DTNB: variants seen among roughly 807,000 people sequenced by gnomAD.
The protein encoded by DTNB is DTN-B.
DTNB carries 63 observed loss-of-function variants against 90.7 expected under a neutral mutation model. The observed-to-expected ratio is 0.69, with a 90% CI of 0.57 to 0.86. The LOEUF is 0.86. Among genes scored for constraint, DTNB ranks in the 40% least tolerant of loss-of-function variants. The pLI is 0.00. For synonymous variants in DTNB, 277 were observed against 286.7 expected, an observed-to-expected ratio of 0.97 and a Z score of 0.34; for missense variants, 744 against 807.1, an observed-to-expected ratio of 0.92 and a Z score of 0.95.
At chr2:25,549,119 C>T (rs139257174) in intron 8 of DTNB, among the ~76,000 whole-genome samples, 134 of 151,882 alleles carry the variant, frequency 8.8e-4, no homozygotes, top group Middle Eastern at 3.4e-3. Context: ...AACATAGCAC[C>T]TAAGTGGTTT....
intron 9 of DTNB, among the ~76,000 whole-genome samples, chr2:25,483,614 T>C (rs535971635): frequency 6.6e-6 from 1 of 152,338 alleles, no homozygotes; most frequent in South Asian, 2.1e-4. Flanking sequence ...TTTTCTAGAC[T>C]CAGGTCCATT....
chr2:25,435,913 T>G (rs1276957792), intron 12 of DTNB, among the ~76,000 whole-genome samples: 1 of 152,242 alleles, frequency 6.6e-6, no homozygotes, highest in Non-Finnish European at 1.5e-5. Context: ...GCAATTCGTA[T>G]TTCCCCAATG....
rs180804675 is a variant in DTNB, at chr2:25,387,918, G to A, written c.1735+284C>T. The stretch of plus-strand genomic sequence containing the variant: ...ATTATTCCATCCAATTCCTCTGGAG[G>A]AGACAAAGCCCAAAGGACAAAGCAC... On this transcript the variant is annotated intron_variant, in intron 17 of 20. Transcript: ENST00000406818. The surrounding 1 kb of genome is among the most constrained non-coding windows in gnomAD (Gnocchi z 4.5). Among the ~76,000 whole-genome samples the A allele has an allele frequency of 1.3e-5, 2 of 152,240 alleles. No homozygotes were observed. The highest frequency in any genetic ancestry group is 4.8e-5 in the African/African-American group (2 of 41,464).
intron 9 of DTNB, among the ~76,000 whole-genome samples, chr2:25,516,120 G>C (rs2075069572): frequency 6.6e-6 from 1 of 152,164 alleles, no homozygotes; most frequent in Admixed American, 6.6e-5. Context: ...ACTACAGTAA[G>C]ATCCTACCAC....
At chr2:25,555,159 C>T (rs1391516823) in intron 8 of DTNB, among the ~76,000 whole-genome samples, 1 of 151,736 alleles carries the variant, frequency 6.6e-6, no homozygotes, top group South Asian at 2.1e-4. Context: ...GGTGTGGTGG[C>T]GGGTGCCTGT....
intron 10 of DTNB, among the ~76,000 whole-genome samples, chr2:25,460,369 G>A (rs963006205): frequency 6.6e-6 from 1 of 152,134 alleles, no homozygotes. Context: ...TAAGGGCTCA[G>A]GGAAAAGCTG....
intron 18 of DTNB, among the ~76,000 whole-genome samples, chr2:25,384,970 C>T (rs1042081863): frequency 7.2e-5 from 11 of 151,924 alleles, no homozygotes; most frequent in African/African-American, 2.7e-4. Flanking sequence ...TCTCTGCATC[C>T]CAGGTTCAAG....
At chr2:25,462,950 G>A (rs1474493523) in intron 10 of DTNB, among the ~76,000 whole-genome samples, 3 of 152,094 alleles carry the variant, frequency 2.0e-5, no homozygotes, top group African/African-American at 4.8e-5. Flanking sequence ...TGATCCACCC[G>A]CCTCGGCCTC....
intron 8 of DTNB, among the ~76,000 whole-genome samples, chr2:25,567,389 C>T (rs950744279): frequency 3.9e-5 from 6 of 152,182 alleles, no homozygotes; most frequent in Non-Finnish European, 8.8e-5. Context: ...AGGTCTGTCA[C>T]GAGAAAATTT....
At position 25,379,312 on chromosome 2, in the gene DTNB, T is replaced by C; in HGVS notation, c.*7A>G. The C allele has an allele frequency of 1.5e-6, 2 of 1,321,784 alleles. No homozygotes were observed. The highest frequency in any genetic ancestry group is 1.9e-6 in the Non-Finnish European group (2 of 1,026,238). The allele number at this position is 1,321,784 out of a possible 1,614,324, so 81.9% of individuals were successfully genotyped here. On this transcript the variant is annotated 3_prime_UTR_variant, in exon 20 of 21. Transcript: ENST00000406818. ...CACCTGAGCTTCCTCTGTGTCCGGC[T>C]CCTCTGCTAACCTGTGGCAGCATGG...
chr2:25,518,545 T>A (rs2150766810), intron 9 of DTNB, among the ~76,000 whole-genome samples: 1 of 151,988 alleles, frequency 6.6e-6, no homozygotes, highest in East Asian at 1.9e-4. Context: ...TGTGTGAGTT[T>A]GTGAGTGCAA....
chr2:25,596,081 C>T lies in DTNB; in HGVS notation c.603+5G>A. Reference sequence around the variant, plus strand: ...TAGCCCTAGATTCTATAAAACTGTCCTTACCTGCTGTGGAAAACAGGTGCG... The same window carrying T: ...TAGCCCTAGATTCTATAAAACTGTCTTTACCTGCTGTGGAAAACAGGTGCG... On this transcript the variant is annotated splice_donor_5th_base_variant and intron_variant, in intron 6 of 20. Coordinates refer to ENST00000406818, the MANE Select transcript of DTNB (RefSeq NM_021907.5). 1 of 1,598,692 alleles carries T rather than the reference C, an allele frequency of 6.3e-7. No individual in the cohort carries two copies. Among genetic ancestry groups the T allele is most frequent in the Non-Finnish European group, 8.5e-7 (1 of 1,174,896 alleles).
intron 16 of DTNB, among the ~76,000 whole-genome samples, chr2:25,388,932 C>T (rs958325225): frequency 6.6e-6 from 1 of 151,900 alleles, no homozygotes; most frequent in South Asian, 2.1e-4. Flanking sequence ...CTGTAACCTC[C>T]GCCTCCCAGG....
chr2:25,411,367 AAAAAG>A (rs2046561613), intron 16 of DTNB, among the ~76,000 whole-genome samples: 2 of 152,090 alleles, frequency 1.3e-5, no homozygotes, highest in Non-Finnish European at 1.5e-5. Flanking sequence ...TTCAAAAAAA[AAAAAG>A]AAAAGAAAAA....
intron 4 of DTNB, among the ~76,000 whole-genome samples, chr2:25,610,834 C>T (rs1277318090): frequency 6.6e-6 from 1 of 152,074 alleles, no homozygotes; most frequent in Admixed American, 6.6e-5. Context: ...CTTAGCCTCC[C>T]GAGTAGCTGG....
At chr2:25,533,683 C>G (rs568664689) in intron 8 of DTNB, among the ~76,000 whole-genome samples, 1 of 152,222 alleles carries the variant, frequency 6.6e-6, no homozygotes, top group Non-Finnish European at 1.5e-5. Flanking sequence ...ACAGTTGACT[C>G]AAAATACACT....
At chr2:25,616,081 T>C (rs1204741411) in intron 4 of DTNB, among the ~76,000 whole-genome samples, 2 of 152,224 alleles carry the variant, frequency 1.3e-5, no homozygotes, top group Non-Finnish European at 2.9e-5. Flanking sequence ...TGTAAATCTT[T>C]CTGGCTCCAA....
At chr2:25,403,152 G>A (rs2044185939) in intron 16 of DTNB, among the ~76,000 whole-genome samples, 1 of 152,104 alleles carries the variant, frequency 6.6e-6, no homozygotes, top group Non-Finnish European at 1.5e-5. Flanking sequence ...GTCTTGCTCT[G>A]TCACCCAGGC....
chr2:25,447,791 G>A (rs2058649056), intron 12 of DTNB, among the ~76,000 whole-genome samples: 2 of 152,114 alleles, frequency 1.3e-5, no homozygotes, highest in Non-Finnish European at 1.5e-5. Flanking sequence ...TTACAGGAGT[G>A]AGCCACCATG....
Sources: gnomAD v4.1 joint callset for allele counts (sites outside exome capture counted in the v4.1 genomes callset) on GRCh38, gnomAD v4.1.1 for gene constraint, Gnocchi (gnomAD v3.1) non-coding constraint, MANE v1.5 for transcripts, NCBI Gene and HGNC (gene_info 2026-07-23, HGNC 2026-07-21) for gene names.